ATP6V0E1: variants seen among roughly 807,000 people sequenced by gnomAD.
The protein encoded by ATP6V0E1 is V-type proton ATPase subunit e 1.
A neutral mutation model predicts 11.6 loss-of-function variants in ATP6V0E1; 4 were observed. That is an observed-to-expected ratio of 0.35 (90% CI 0.17 to 0.79). The LOEUF (loss-of-function observed/expected upper bound fraction) is 0.79. ATP6V0E1 is among the 30% of genes least tolerant of loss of function. The probability of loss-of-function intolerance (pLI) is 0.54; values close to 1 mark genes in which losing one functional copy is unlikely to be tolerated. For synonymous variants in ATP6V0E1, 36 were observed against 34.8 expected (o/e 1.04, Z -0.13); for missense variants, 105 against 100.0 (o/e 1.05, Z -0.21).
At chr5:172,987,579 C>T (rs1005838079) in intron 1 of ATP6V0E1, among the ~76,000 whole-genome samples, 3 of 152,028 alleles carry the variant, frequency 2.0e-5, no homozygotes, top group South Asian at 2.1e-4. Context: ...CTGCCACACC[C>T]GGCCCCCTGC....
chr5:173,031,793 A>G (rs1161298249), intron 3 of ATP6V0E1, among the ~76,000 whole-genome samples: 3 of 146,762 alleles, frequency 2.0e-5, no homozygotes, highest in African/African-American at 7.6e-5. Context: ...CACTCCATCC[A>G]GCCTGGGCGA....
At chr5:173,012,449 G>T (rs1756342770) in intron 2 of ATP6V0E1, among the ~76,000 whole-genome samples, 1 of 151,994 alleles carries the variant, frequency 6.6e-6, no homozygotes, top group African/African-American at 2.4e-5. Flanking sequence ...GTCAACTCAG[G>T]ATGGGTTAAA....
chr5:173,016,003 C>T (rs140905204), intron 2 of ATP6V0E1, among the ~76,000 whole-genome samples: 8 of 152,094 alleles, frequency 5.3e-5, no homozygotes, highest in Admixed American at 3.3e-4. Flanking sequence ...AGATTACAGG[C>T]GTGAGCCACC....
intron 2 of ATP6V0E1, among the ~76,000 whole-genome samples, chr5:172,997,007 C>T (rs1167832013): frequency 6.8e-6 from 1 of 146,718 alleles, no homozygotes; most frequent in African/African-American, 2.5e-5. Context: ...TTCAAATAAA[C>T]TAACAGTTCA....
chr5:173,010,824 A>G (rs948939702), intron 2 of ATP6V0E1, among the ~76,000 whole-genome samples: 5 of 152,198 alleles, frequency 3.3e-5, no homozygotes, highest in African/African-American at 1.2e-4. Flanking sequence ...ACCGGGAAGT[A>G]ACCTGTGCCT....
At chr5:173,031,512 A>G (rs1011238757) in intron 3 of ATP6V0E1, among the ~76,000 whole-genome samples, 1 of 151,258 alleles carries the variant, frequency 6.6e-6, no homozygotes, top group Non-Finnish European at 1.5e-5. Flanking sequence ...TTTCTTATCA[A>G]AGATGATAAG....
At chr5:172,984,920 T>C (rs985927664) in intron 1 of ATP6V0E1, among the ~76,000 whole-genome samples, 2 of 152,178 alleles carry the variant, frequency 1.3e-5, no homozygotes, top group African/African-American at 4.8e-5. Context: ...TAAATACCTG[T>C]TGAGTGAATA....
At chr5:172,992,787 G>T (rs527552407) in intron 1 of ATP6V0E1, among the ~76,000 whole-genome samples, 1 of 151,830 alleles carries the variant, frequency 6.6e-6, no homozygotes, top group South Asian at 2.1e-4. Context: ...TGAGGCAGTG[G>T]TTTTTTTTGT....
chr5:173,028,110 C>T (rs1262557083), intron 3 of ATP6V0E1, among the ~76,000 whole-genome samples: 2 of 152,156 alleles, frequency 1.3e-5, no homozygotes, highest in African/African-American at 2.4e-5. Context: ...AACCCTTATA[C>T]TAAAGTTGGT....
chr5:173,028,787 G>A (rs1054452019), intron 3 of ATP6V0E1, among the ~76,000 whole-genome samples: 6 of 152,176 alleles, frequency 3.9e-5, no homozygotes, highest in Non-Finnish European at 5.9e-5. Flanking sequence ...TGCCAGCCTC[G>A]TCTGCTTCCC....
At chr5:173,014,338 A>G (rs776622527) in intron 2 of ATP6V0E1, among the ~76,000 whole-genome samples, 29 of 152,190 alleles carry the variant, frequency 1.9e-4, no homozygotes, top group Non-Finnish European at 2.5e-4. Context: ...TAGAACTGCC[A>G]TATGATCCAG....
intron 2 of ATP6V0E1, among the ~76,000 whole-genome samples, chr5:173,013,837 C>T (rs955401945): frequency 2.6e-5 from 4 of 152,076 alleles, no homozygotes; most frequent in African/African-American, 9.7e-5. Context: ...CATCTCACTC[C>T]AGTTAGAATG....
chr5:173,010,058 G>A (rs1756296337), intron 2 of ATP6V0E1, among the ~76,000 whole-genome samples: 1 of 152,144 alleles, frequency 6.6e-6, no homozygotes, highest in African/African-American at 2.4e-5. Context: ...CACCGTGCCT[G>A]TCCTGGATAG....
At position 173,022,030 on chromosome 5, in the gene ATP6V0E1, G is replaced by A. The variant is rs369304119; in HGVS notation, c.*36+1663G>A. Among the ~76,000 whole-genome samples the A allele has an allele frequency of 2.2e-4, 33 of 152,278 alleles. 2 individuals carry two copies. Among genetic ancestry groups the A allele is most frequent in the East Asian group, 1.5e-3 (8 of 5,178 alleles). ...AGCCTGGGCGACAGAGCAAGACTCC[G>A]TCTCAGAAAAAGGAAAATCAGTCTT... On this transcript the variant is annotated intron_variant, in intron 3 of 3. Transcript: ENST00000519374.
intron 1 of ATP6V0E1, among the ~76,000 whole-genome samples, chr5:172,990,465 C>T (rs1442322007): frequency 1.3e-5 from 2 of 152,166 alleles, no homozygotes; most frequent in Non-Finnish European, 2.9e-5. Flanking sequence ...GTTCAGTCAA[C>T]TCCATTTTTC....
At position 172,994,756 on chromosome 5, in the gene ATP6V0E1, C is replaced by CTT; in HGVS notation, c.105-19_105-18insTT. The stretch of plus-strand genomic sequence containing the variant: ...TTTGCTAGTTATTTAATGACATTTG[C>CTT]ATTTTTTTTTTTTTTTAGAGTTATC... On this transcript the variant is annotated intron_variant, in intron 1 of 3. Transcript: ENST00000519374. The CTT allele has an allele frequency of 7.3e-7, 1 of 1,373,284 alleles. No homozygotes were observed. The highest frequency in any genetic ancestry group is 9.9e-7 in the Non-Finnish European group (1 of 1,010,792). The allele number at this position is 1,373,284 out of a possible 1,614,324, so 85.1% of individuals were successfully genotyped here. A position where few individuals can be genotyped will look rare whatever the true frequency, so the allele number is the denominator to read the frequency against.
intron 1 of ATP6V0E1, among the ~76,000 whole-genome samples, chr5:172,990,647 T>C (rs1192119454): frequency 6.6e-6 from 1 of 151,704 alleles, no homozygotes; most frequent in Non-Finnish European, 1.5e-5. Context: ...GCCAACATGG[T>C]GAAACCTCAT....
intron 3 of ATP6V0E1, among the ~76,000 whole-genome samples, chr5:173,021,272 G>A (rs1484845007): frequency 2.6e-5 from 4 of 152,042 alleles, no homozygotes; most frequent in South Asian, 2.1e-4. Flanking sequence ...CCATTTTCAC[G>A]CTGCTGATAA....
At chr5:173,034,254 C>G (rs959308855) in intron 3 of ATP6V0E1, 145 bp from the exon 4 acceptor site, 12 of 650,910 alleles carry the variant, frequency 1.8e-5, no homozygotes, top group Non-Finnish European at 3.4e-5. Context: ...GCCAAACTTG[C>G]ACCAAGTTGA....
Sources: allele counts gnomAD v4.1 joint callset (sites outside exome capture counted in the v4.1 genomes callset), GRCh38; gene constraint gnomAD v4.1.1; transcripts MANE v1.5; gene names NCBI Gene and HGNC (gene_info 2026-07-23, HGNC 2026-07-21).